VPS13B: variants seen among roughly 807,000 people sequenced by gnomAD.
VPS13B encodes the protein vacuolar protein sorting 13 homolog B.
VPS13B carries 285 observed loss-of-function variants against 426.4 expected under a neutral mutation model. The observed-to-expected ratio is 0.67, with a 90% CI of 0.61 to 0.74. The LOEUF (loss-of-function observed/expected upper bound fraction) is 0.74, where lower values mean the gene tolerates loss of function less well. VPS13B is among the 30% of genes least tolerant of loss of function. VPS13B has a pLI of 0.00. For synonymous variants in VPS13B, 1,676 were observed against 1,676.4 expected (o/e 1.00, Z 0.01); for missense variants, 4,537 against 4,782.6 (o/e 0.95, Z 1.51).
intron 12 of VPS13B, among the ~76,000 whole-genome samples, chr8:99,141,871 T>G (rs1810440418): frequency 7.0e-6 from 1 of 143,408 alleles, no homozygotes. Flanking sequence ...GGTGAAACCC[T>G]GTCTCTACTA....
chr8:99,550,508 C>T (rs919057954), intron 30 of VPS13B, among the ~76,000 whole-genome samples: 6 of 150,700 alleles, frequency 4.0e-5, no homozygotes, highest in Admixed American at 1.3e-4. Context: ...TTTTTTCTTG[C>T]GAATAGTATA....
intron 60 of VPS13B, chr8:99,871,240 G>T: frequency 1.3e-6 from 1 of 766,930 alleles, no homozygotes; most frequent in East Asian, 2.5e-5. Context: ...GCAAAACCAA[G>T]GGAAATCTTT....
chr8:99,027,077 C>T (rs1361027276), intron 2 of VPS13B, among the ~76,000 whole-genome samples: 2 of 151,992 alleles, frequency 1.3e-5, no homozygotes, highest in Non-Finnish European at 2.9e-5. Context: ...GGTTTCACCA[C>T]GTTGGCCAGG....
intron 30 of VPS13B, among the ~76,000 whole-genome samples, chr8:99,541,987 T>G (rs1220984562): frequency 6.6e-6 from 1 of 152,210 alleles, no homozygotes; most frequent in Non-Finnish European, 1.5e-5. Context: ...GGAAAAGTTT[T>G]CAAAAGAAGC....
chr8:99,062,262 G>A (rs1021492926), intron 3 of VPS13B, among the ~76,000 whole-genome samples: 3 of 152,086 alleles, frequency 2.0e-5, no homozygotes, highest in African/African-American at 7.2e-5. Flanking sequence ...TAATACAAAT[G>A]CCAATGCTAC....
chr8:99,313,660 C>G (rs1351723561), intron 19 of VPS13B, among the ~76,000 whole-genome samples: 5 of 152,264 alleles, frequency 3.3e-5, no homozygotes, highest in Non-Finnish European at 5.9e-5. Flanking sequence ...AGATTTCAAA[C>G]TCTGTGCTGG....
intron 4 of VPS13B, among the ~76,000 whole-genome samples, chr8:99,100,065 T>C (rs751063072): frequency 6.6e-6 from 1 of 152,188 alleles, no homozygotes; most frequent in Non-Finnish European, 1.5e-5. Context: ...GACACTATCT[T>C]GTACCTTGCT....
At chr8:99,821,171 G>GA in intron 49 of VPS13B, 123 bp from the exon 50 acceptor site, 1 of 542,316 alleles carries the variant, frequency 1.8e-6, no homozygotes, top group Non-Finnish European at 3.0e-6. Flanking sequence ...CACACACCAT[G>GA]GAGGGATATT....
intron 55 of VPS13B, among the ~76,000 whole-genome samples, chr8:99,852,525 A>G (rs548194853): frequency 1.3e-5 from 2 of 152,300 alleles, no homozygotes; most frequent in Non-Finnish European, 1.5e-5. Flanking sequence ...ACAGGAAAGA[A>G]AAGTATTTCC....
chr8:99,335,790 A>G (rs532388371), intron 19 of VPS13B, among the ~76,000 whole-genome samples: 12 of 152,332 alleles, frequency 7.9e-5, no homozygotes, highest in African/African-American at 2.6e-4. Flanking sequence ...TAAAATACCT[A>G]GGAATCCAAC....
At chr8:99,053,793 C>T (rs1042504314) in intron 3 of VPS13B, among the ~76,000 whole-genome samples, 4 of 151,562 alleles carry the variant, frequency 2.6e-5, no homozygotes, top group African/African-American at 7.3e-5. Context: ...ACCTCTCCCT[C>T]CTGGGTTCAA....
intron 33 of VPS13B, among the ~76,000 whole-genome samples, chr8:99,633,806 G>GGGGTGTGTGTGTGT (rs1828949501): frequency 7.0e-6 from 1 of 143,876 alleles, no homozygotes. Flanking sequence ...GAATGTGTCA[G>GGGGTGTGTGTGTGT]GTGTGTGTGT....
chr8:99,018,583 T>C (rs903433907), intron 2 of VPS13B, among the ~76,000 whole-genome samples: 2 of 152,244 alleles, frequency 1.3e-5, no homozygotes, highest in Non-Finnish European at 2.9e-5. Context: ...AATACTTGTA[T>C]CTTTTATTTC....
intron 33 of VPS13B, among the ~76,000 whole-genome samples, chr8:99,598,701 A>G (rs1174521385): frequency 6.6e-6 from 1 of 151,882 alleles, no homozygotes; most frequent in Non-Finnish European, 1.5e-5. Flanking sequence ...GACAACTTAT[A>G]ACACTAATTG....
chr8:99,302,410 G>C (rs1820415951), intron 19 of VPS13B, among the ~76,000 whole-genome samples: 1 of 152,118 alleles, frequency 6.6e-6, no homozygotes, highest in African/African-American at 2.4e-5. Flanking sequence ...AACATTCTCA[G>C]AACACTTACC....
At chr8:99,065,804 A>C (rs1844461542) in intron 3 of VPS13B, among the ~76,000 whole-genome samples, 1 of 152,222 alleles carries the variant, frequency 6.6e-6, no homozygotes, top group Non-Finnish European at 1.5e-5. Context: ...CAACTTCAGC[A>C]AAGTCTCAGG....
At chr8:99,368,553 A>G (rs1350035405) in intron 19 of VPS13B, among the ~76,000 whole-genome samples, 1 of 152,176 alleles carries the variant, frequency 6.6e-6, no homozygotes, top group South Asian at 2.1e-4. Flanking sequence ...GTTATAGAAT[A>G]TTATTTCTGT....
chr8:99,606,057 G>T (rs1588542866), intron 33 of VPS13B, among the ~76,000 whole-genome samples: 1 of 151,916 alleles, frequency 6.6e-6, no homozygotes, highest in Non-Finnish European at 1.5e-5. Flanking sequence ...CACCAAACCT[G>T]GCTAATTTTT....
At chr8:99,169,938 G>A (rs1243645941) in intron 15 of VPS13B, 101 bp from the exon 16 acceptor site, 14 of 1,335,252 alleles carry the variant, frequency 1.0e-5, no homozygotes, top group Non-Finnish European at 1.5e-5. Context: ...AACATATTTA[G>A]TGTGCAGCTG....
Sources: gnomAD v4.1 joint callset for allele counts (sites outside exome capture counted in the v4.1 genomes callset) on GRCh38, gnomAD v4.1.1 for gene constraint, MANE v1.5 for transcripts, NCBI Gene and HGNC (gene_info 2026-07-23, HGNC 2026-07-21) for gene names.